Variants in C6 observed in about 807,000 individuals in gnomAD.
C6 encodes complement C6.
Under a neutral mutation model 112.9 loss-of-function variants are expected in C6, and 101 were observed. The observed-to-expected ratio is 0.89, with a 90% confidence interval of 0.76 to 1.06. C6 has a LOEUF of 1.06. C6 is among the 50% of genes least tolerant of loss of function. The pLI is 0.00. For synonymous variants in C6, 431 were observed against 384.1 expected (o/e 1.12, Z -1.43); for missense variants, 1,202 against 1,104.6 (o/e 1.09, Z -1.25).
rs138481376 is a variant in C6 at position 41,242,961 on chromosome 5, C to T, written c.-21+18233G>A. Among the ~76,000 whole-genome samples the T allele has an allele frequency of 4.9e-3, 736 of 151,074 alleles. 6 individuals carry two copies. Among genetic ancestry groups the T allele is most frequent in the African/African-American group, 0.016 (643 of 41,164 alleles). On this transcript the variant is annotated intron_variant, in intron 1 of 17. Transcript: ENST00000263413. ...AACCTAAAACAATGGAACTCATAGA[C>T]GCAGAGAGTAGAATGGTGGTTGCAG...
At chr5:41,210,961 A>T (rs1167046210) in intron 1 of C6, among the ~76,000 whole-genome samples, 3 of 152,224 alleles carry the variant, frequency 2.0e-5, no homozygotes, top group Non-Finnish European at 4.4e-5. Flanking sequence ...GGCACTATTC[A>T]CAATAGCAAA....
At chr5:41,166,455 C>T (rs1747981070) in intron 9 of C6, among the ~76,000 whole-genome samples, 1 of 152,110 alleles carries the variant, frequency 6.6e-6, no homozygotes, top group Admixed American at 6.6e-5. Flanking sequence ...AGTTAACACA[C>T]ACAGAACACT....
intron 4 of C6, among the ~76,000 whole-genome samples, chr5:41,197,703 G>A (rs1750715415): frequency 6.6e-6 from 1 of 152,116 alleles, no homozygotes; most frequent in Non-Finnish European, 1.5e-5. Context: ...AGCAAGGGTA[G>A]GGATGAAGGG....
intron 17 of C6, 111 bp downstream of exon 17, chr5:41,149,130 A>G (rs1746128530): frequency 7.4e-7 from 1 of 1,345,978 alleles, no homozygotes; most frequent in African/African-American, 1.4e-5. Flanking sequence ...TTTTTTTACA[A>G]TGAAAAGGAA....
chr5:41,181,669 T>C, intron 6 of C6, 110 bp from the exon 7 acceptor site: 1 of 904,866 alleles, frequency 1.1e-6, no homozygotes, highest in African/African-American at 1.7e-5. Context: ...CCAGTATTTA[T>C]TGAGGACACA....
chr5:41,159,279 A>C, intron 11 of C6, 26 bp from the exon 12 acceptor site: 1 of 1,609,818 alleles, frequency 6.2e-7, no homozygotes, highest in Non-Finnish European at 8.5e-7. Flanking sequence ...ACTCACTCCC[A>C]TGGATCATGG....
At chr5:41,152,095 T>A (rs992778832) in intron 15 of C6, among the ~76,000 whole-genome samples, 1 of 152,026 alleles carries the variant, frequency 6.6e-6, no homozygotes, top group African/African-American at 2.4e-5. Context: ...AAACAGATGT[T>A]AATCAAGTAA....
intron 1 of C6, among the ~76,000 whole-genome samples, chr5:41,207,737 A>G (rs934274763): frequency 6.6e-6 from 1 of 152,038 alleles, no homozygotes; most frequent in Non-Finnish European, 1.5e-5. Context: ...GCCAGTCCTT[A>G]GAGATCTACA....
At chr5:41,226,009 A>G (rs1464991221) in intron 1 of C6, among the ~76,000 whole-genome samples, 1 of 152,084 alleles carries the variant, frequency 6.6e-6, no homozygotes, top group African/African-American at 2.4e-5. Context: ...CTAGAAGAAA[A>G]CCTAGGTGAT....
chr5:41,243,739 A>G (rs565671151), intron 1 of C6, among the ~76,000 whole-genome samples: 1 of 152,352 alleles, frequency 6.6e-6, no homozygotes, highest in South Asian at 2.1e-4. Flanking sequence ...GCTTTTTAAC[A>G]GCCTTGGGGA....
chr5:41,167,970 T>A (rs890194475), intron 9 of C6, among the ~76,000 whole-genome samples: 3 of 151,980 alleles, frequency 2.0e-5, no homozygotes, highest in Non-Finnish European at 4.4e-5. Flanking sequence ...GAGGAAAAAA[T>A]TTACCTTATT....
chr5:41,247,614 A>T (rs927758909), intron 1 of C6, among the ~76,000 whole-genome samples: 3 of 151,398 alleles, frequency 2.0e-5, no homozygotes, highest in African/African-American at 7.3e-5. Context: ...GCTACTCAGG[A>T]GGCTGAGGCA....
chr5:41,220,881 A>G (rs1739123565), intron 1 of C6, among the ~76,000 whole-genome samples: 1 of 152,032 alleles, frequency 6.6e-6, no homozygotes, highest in Non-Finnish European at 1.5e-5. Context: ...AATAGGCCCC[A>G]ATGTCTATTG....
chr5:41,204,676 T>C (rs975716630), intron 1 of C6, among the ~76,000 whole-genome samples: 2 of 145,682 alleles, frequency 1.4e-5, no homozygotes, highest in Non-Finnish European at 3.0e-5. Flanking sequence ...TTTTCTTTTT[T>C]TTTTTTTTTT....
intron 6 of C6, 86 bp downstream of exon 6, chr5:41,185,984 C>A (rs1425451834): frequency 6.6e-7 from 1 of 1,513,376 alleles, no homozygotes; most frequent in African/African-American, 1.4e-5. Context: ...TTATTCTGTC[C>A]CTTCATTCAT....
intron 9 of C6, among the ~76,000 whole-genome samples, chr5:41,170,085 C>A (rs1748300859): frequency 6.6e-6 from 1 of 151,952 alleles, no homozygotes; most frequent in Non-Finnish European, 1.5e-5. Context: ...AAAATTCTTC[C>A]TTTATTTCAG....
At chr5:41,244,295 G>A (rs979435208) in intron 1 of C6, among the ~76,000 whole-genome samples, 26 of 151,966 alleles carry the variant, frequency 1.7e-4, no homozygotes, top group African/African-American at 5.8e-4. Context: ...AAATTTTTAT[G>A]GTGTTTAGTA....
chr5:41,239,421 T>A (rs1416882225), intron 1 of C6, among the ~76,000 whole-genome samples: 2 of 152,096 alleles, frequency 1.3e-5, no homozygotes, highest in Admixed American at 1.3e-4. Context: ...TGAGCATTTA[T>A]CATTTCTATG....
chr5:41,181,998 G>T (rs539135115), intron 6 of C6, among the ~76,000 whole-genome samples: 2 of 152,218 alleles, frequency 1.3e-5, no homozygotes, highest in Non-Finnish European at 2.9e-5. Context: ...GTCCCACCTT[G>T]TTTTATACTT....
Sources: gnomAD v4.1 joint callset for allele counts (sites outside exome capture counted in the v4.1 genomes callset) on GRCh38, gnomAD v4.1.1 for gene constraint, MANE v1.5 for transcripts, NCBI Gene and HGNC (gene_info 2026-07-23, HGNC 2026-07-21) for gene names.